Variants in HECW1 observed in about 807,000 individuals in gnomAD.
HECW1 encodes the protein HECT, C2 and WW domain containing E3 ubiquitin protein ligase 1.
Under a neutral mutation model 182.3 loss-of-function variants are expected in HECW1, and 61 were observed. That is an observed-to-expected ratio of 0.33 (90% CI 0.27 to 0.41). The LOEUF (loss-of-function observed/expected upper bound fraction) is 0.41, where lower values mean the gene tolerates loss of function less well. Among genes scored for constraint, HECW1 ranks in the 10% least tolerant of loss-of-function variants. The probability of loss-of-function intolerance (pLI) is 1.00; values close to 1 mark genes in which losing one functional copy is unlikely to be tolerated. For missense variants in HECW1, 1,739 were observed against 2,108.9 expected, an observed-to-expected ratio of 0.82 and a Z score of 3.44; for synonymous variants, 859 against 832.6, an observed-to-expected ratio of 1.03 and a Z score of -0.55.
At chr7:43,153,029 C>T (rs928178639) in intron 2 of HECW1, among the ~76,000 whole-genome samples, 24 of 152,140 alleles carry the variant, frequency 1.6e-4, no homozygotes, top group African/African-American at 5.1e-4. Flanking sequence ...TAAGAGGATG[C>T]GAGAGCCAGC....
Position 43,417,895 on chromosome 7 carries a change from T to C in HECW1, c.801+10164T>C, listed in dbSNP as rs2076064880. Among the ~76,000 whole-genome samples, 4 of 152,306 alleles carry C rather than the reference T, an allele frequency of 2.6e-5. No homozygotes were observed. In the South Asian group the frequency reaches 8.3e-4, roughly 32 times the overall value. On this transcript the variant is annotated intron_variant, in intron 8 of 29. Coordinates refer to ENST00000395891, the MANE Select transcript of HECW1 (RefSeq NM_015052.5). ...AGGCATGGTTTTTGTATTAGTTTCCTAGAGCTGTCATAACAAAGTCCCACA... is the reference window on the plus strand; with the variant it reads ...AGGCATGGTTTTTGTATTAGTTTCCCAGAGCTGTCATAACAAAGTCCCACA...
rs1794487022 is a variant in HECW1 at position 43,196,650 on chromosome 7, G to T, written c.-31-47225G>T. 2.6e-5 allele frequency among the ~76,000 whole-genome samples: 4 copies of T among 152,282 alleles called. No homozygotes were observed. In the South Asian group the frequency reaches 8.3e-4, roughly 32 times the overall value. ...TCTCTGCACACTTCTGACCTGAGCG[G>T]GAGATGGGCCGGGCTCCAGAGAGAG... On this transcript the variant is annotated intron_variant, in intron 2 of 29. Transcript: ENST00000395891.
chr7:43,434,434 G>A (rs1683819956), intron 8 of HECW1, among the ~76,000 whole-genome samples: 1 of 152,238 alleles, frequency 6.6e-6, no homozygotes, highest in South Asian at 2.1e-4. Context: ...GAATAACAGA[G>A]TCCAGAACTT....
chr7:43,393,040 G>C (rs2075098064), intron 6 of HECW1, among the ~76,000 whole-genome samples: 1 of 152,150 alleles, frequency 6.6e-6, no homozygotes. Flanking sequence ...AACTCCAAGA[G>C]CTTCTCAATA....
chr7:43,276,166 G>A (rs1803116607), intron 3 of HECW1, among the ~76,000 whole-genome samples: 1 of 152,106 alleles, frequency 6.6e-6, no homozygotes, highest in African/African-American at 2.4e-5. Flanking sequence ...GGTAAGAAAT[G>A]ATCTTACATA....
chr7:43,443,135 T>G (rs903531369), intron 10 of HECW1, among the ~76,000 whole-genome samples: 2 of 152,226 alleles, frequency 1.3e-5, no homozygotes, highest in Non-Finnish European at 2.9e-5. Flanking sequence ...AGTGTTCCAT[T>G]TAATGCTAAA....
chr7:43,296,831 C>G (rs1170442668), intron 3 of HECW1, among the ~76,000 whole-genome samples: 1 of 152,206 alleles, frequency 6.6e-6, no homozygotes, highest in Non-Finnish European at 1.5e-5. Context: ...GAAACATCCC[C>G]CTTCTGTGTC....
At chr7:43,534,382 T>C (rs532070152) in intron 24 of HECW1, among the ~76,000 whole-genome samples, 1 of 152,330 alleles carries the variant, frequency 6.6e-6, no homozygotes, top group Non-Finnish European at 1.5e-5. Context: ...TACTAATTCC[T>C]GCTAAAACAT....
intron 8 of HECW1, among the ~76,000 whole-genome samples, chr7:43,429,289 C>T (rs930921954): frequency 1.9e-5 from 2 of 106,696 alleles, no homozygotes; most frequent in Non-Finnish European, 3.8e-5. Flanking sequence ...ATATTATATG[C>T]ATATATATAT....
At chr7:43,394,215 G>A (rs1451034035) in intron 6 of HECW1, among the ~76,000 whole-genome samples, 1 of 152,158 alleles carries the variant, frequency 6.6e-6, no homozygotes, top group Non-Finnish European at 1.5e-5. Context: ...ATGCCATGAG[G>A]ACTGGCCACC....
intron 5 of HECW1, among the ~76,000 whole-genome samples, chr7:43,323,615 C>T (rs1810403828): frequency 6.6e-6 from 1 of 152,116 alleles, no homozygotes; most frequent in Non-Finnish European, 1.5e-5. Context: ...ATAAAACAAA[C>T]ACAACAACAA....
At position 43,532,725 on chromosome 7, in the gene HECW1, T is replaced by C. The variant is rs567067856; in HGVS notation, c.4020-8438T>C. Among the ~76,000 whole-genome samples, 31 of 152,306 alleles carry C rather than the reference T, an allele frequency of 2.0e-4. 1 individual carries two copies. In the South Asian group the frequency reaches 5.8e-3, roughly 28 times the overall value. On this transcript the variant is annotated intron_variant, in intron 24 of 29. Coordinates refer to ENST00000395891, the MANE Select transcript of HECW1 (RefSeq NM_015052.5). Reference sequence around the variant, plus strand: ...TCCCCTCAGCAATGTTGACACTCCCTGGCACATTCAGAAGGAATTATTCTC... The same window carrying C: ...TCCCCTCAGCAATGTTGACACTCCCCGGCACATTCAGAAGGAATTATTCTC...
Position 43,194,231 on chromosome 7 carries a change from A to AATTCT in HECW1, c.-31-49640_-31-49636dup, listed in dbSNP as rs1794212186. 3.3e-5 allele frequency among the ~76,000 whole-genome samples: 5 copies of AATTCT among 152,072 alleles called. No individual in the cohort carries two copies. The South Asian group carries it at 1.0e-3, about 31-fold the overall frequency. ...CTGTTCAGTCAGTTGAGTGGCTTGG[A>AATTCT]ATTCTATTTTTTTGGTTTATAAGAC... On this transcript the variant is annotated intron_variant, in intron 2 of 29. Coordinates refer to ENST00000395891, the MANE Select transcript of HECW1 (RefSeq NM_015052.5).
rs1585125934 is a variant in HECW1, at chr7:43,508,024, T to C, written c.3759T>C (p.Ile1253=). Residue 1253 remains isoleucine, a synonymous_variant, in exon 23 of 30, where the codon ATT becomes ATC. Transcript: ENST00000395891. Reference sequence around the variant, plus strand: ...CACCCCTTCTCCTTCTCAGGCTCATTATTCGCCGGGATCATTTGTTGGAGG... The same window carrying C: ...CACCCCTTCTCCTTCTCAGGCTCATCATTCGCCGGGATCATTTGTTGGAGG... ...FGQGPGKIKL[I]IRRDHLLEGT... The C allele has an allele frequency of 1.2e-6, 2 of 1,613,240 alleles. No homozygotes were observed. Among genetic ancestry groups the C allele is most frequent in the South Asian group, 2.2e-5 (2 of 91,062 alleles).
chr7:43,212,406 T>G (rs776478912), intron 2 of HECW1, among the ~76,000 whole-genome samples: 22 of 152,334 alleles, frequency 1.4e-4, no homozygotes, highest in East Asian at 5.8e-4. Flanking sequence ...CTGATAATTT[T>G]TAGCAAAATA....
intron 2 of HECW1, among the ~76,000 whole-genome samples, chr7:43,131,986 C>T (rs1786980287): frequency 6.6e-6 from 1 of 152,206 alleles, no homozygotes; most frequent in African/African-American, 2.4e-5. Context: ...GTTACAAGGG[C>T]ATCGAGTGGG....
intron 2 of HECW1, among the ~76,000 whole-genome samples, chr7:43,219,881 C>CGGTAG (rs1209793290): frequency 1.3e-5 from 2 of 152,156 alleles, no homozygotes; most frequent in Non-Finnish European, 2.9e-5. Flanking sequence ...TCCTCCCTTA[C>CGGTAG]TACCACAAAA....
chr7:43,467,479 G>A (rs1387704903), intron 15 of HECW1, among the ~76,000 whole-genome samples: 4 of 152,104 alleles, frequency 2.6e-5, no homozygotes, highest in African/African-American at 4.8e-5. Context: ...AGATCACCTG[G>A]TAACTCATGC....
intron 3 of HECW1, among the ~76,000 whole-genome samples, chr7:43,292,103 AAC>A (rs1805469907): frequency 6.6e-6 from 1 of 152,208 alleles, no homozygotes; most frequent in South Asian, 2.1e-4. Flanking sequence ...ACAAAAGGGT[AAC>A]AGTTTCAGAG....
Sources: gnomAD v4.1 joint callset for allele counts (sites outside exome capture counted in the v4.1 genomes callset) on GRCh38, gnomAD v4.1.1 for gene constraint, MANE v1.5 for transcripts, NCBI Gene and HGNC (gene_info 2026-07-23, HGNC 2026-07-21) for gene names.